Variants in SH3PXD2A observed in about 807,000 individuals in gnomAD.
SH3PXD2A encodes SH3 and PX domain-containing protein 2A.
In SH3PXD2A, 32 loss-of-function variants were observed where a neutral mutation model predicts 115.2. The ratio of observed to expected loss-of-function variants is 0.28; its 90% CI spans 0.21 to 0.37. SH3PXD2A has a LOEUF of 0.37. Ranked by LOEUF, SH3PXD2A falls within the 10% of genes least tolerant of loss-of-function variation. SH3PXD2A has a pLI of 1.00. For synonymous variants in SH3PXD2A, 610 were observed against 629.1 expected (o/e 0.97, Z 0.45); for missense variants, 1,328 against 1,498.7 (o/e 0.89, Z 1.88).
intron 3 of SH3PXD2A, among the ~76,000 whole-genome samples, chr10:103,738,367 G>A (rs998754685): frequency 1.3e-5 from 2 of 152,204 alleles, no homozygotes; most frequent in Non-Finnish European, 2.9e-5. Flanking sequence ...TGAGGCCAGG[G>A]GGAGGCTGTG....
intron 6 of SH3PXD2A, among the ~76,000 whole-genome samples, chr10:103,691,224 C>T (rs2037746593): frequency 6.6e-6 from 1 of 152,196 alleles, no homozygotes; most frequent in Non-Finnish European, 1.5e-5. Flanking sequence ...GAAAGTGCTA[C>T]TGCTGCTGCT....
intron 1 of SH3PXD2A, among the ~76,000 whole-genome samples, chr10:103,827,804 T>TGG (rs1778777318): frequency 6.6e-6 from 1 of 152,194 alleles, no homozygotes; most frequent in Non-Finnish European, 1.5e-5. Context: ...ACTGAAGTCA[T>TGG]GGGGCCTAGA....
At chr10:103,722,203 C>A (rs141690011) in intron 5 of SH3PXD2A, among the ~76,000 whole-genome samples, 1 of 150,698 alleles carries the variant, frequency 6.6e-6, no homozygotes, top group Admixed American at 6.6e-5. Context: ...ACCAGGGAGG[C>A]TGAGGTAAGG....
chr10:103,746,071 C>T lies in SH3PXD2A; in HGVS notation c.230-10263G>A, dbSNP rs1053532760. 2.0e-5 allele frequency: 3 copies of T among 152,212 alleles called. No homozygotes were observed. Among genetic ancestry groups the T allele is most frequent in the Non-Finnish European group, 4.4e-5 (3 of 68,052 alleles). 9.4% of individuals were successfully genotyped at this position (152,212 alleles called of 1,614,324 possible). A position where few individuals can be genotyped will look rare whatever the true frequency, so the allele number is the denominator to read the frequency against. ...CATCAGCGCACCTTGGAGGGAAGAA[C>T]GATCTCCCAAATTCTGGTTCGGAGG... is the stretch of plus-strand genomic sequence containing the variant. On this transcript the variant is annotated intron_variant, in intron 3 of 14. Transcript: ENST00000369774. This position sits in a 1 kb window ranked among gnomAD's most constrained non-coding sequence, Gnocchi z 4.4.
intron 6 of SH3PXD2A, among the ~76,000 whole-genome samples, chr10:103,689,603 T>A (rs961908825): frequency 3.9e-5 from 6 of 152,076 alleles, no homozygotes; most frequent in East Asian, 1.9e-4. Flanking sequence ...AGGCGGAGGT[T>A]GCAGTGAGCT....
intron 3 of SH3PXD2A, among the ~76,000 whole-genome samples, chr10:103,759,618 C>CA (rs2038678347): frequency 6.6e-6 from 1 of 152,174 alleles, no homozygotes; most frequent in African/African-American, 2.4e-5. Context: ...TCCCTGGCCA[C>CA]AGTTGTTTGC....
At chr10:103,619,997 AG>A (rs2036579258) in intron 10 of SH3PXD2A, among the ~76,000 whole-genome samples, 2 of 152,206 alleles carry the variant, frequency 1.3e-5, no homozygotes, top group East Asian at 3.9e-4. Flanking sequence ...ATGTGGACAC[AG>A]GCCTTGTGGG....
At chr10:103,713,918 G>A (rs1214894875) in intron 5 of SH3PXD2A, among the ~76,000 whole-genome samples, 2 of 152,196 alleles carry the variant, frequency 1.3e-5, no homozygotes, top group African/African-American at 4.8e-5. Context: ...AGGGCCCCGA[G>A]AGTGGGGACT....
At chr10:103,842,951 G>C (rs1180052421) in intron 1 of SH3PXD2A, among the ~76,000 whole-genome samples, 1 of 152,186 alleles carries the variant, frequency 6.6e-6, no homozygotes, top group East Asian at 1.9e-4. Context: ...AGGTAAAACA[G>C]TTAACATTAT....
intron 8 of SH3PXD2A, among the ~76,000 whole-genome samples, chr10:103,660,506 C>T (rs1402580029): frequency 1.3e-5 from 2 of 152,102 alleles, no homozygotes; most frequent in South Asian, 2.1e-4. Context: ...AACCAACGCC[C>T]GCAGGCCTGG....
chr10:103,782,268 G>A (rs1322554224), intron 2 of SH3PXD2A, among the ~76,000 whole-genome samples: 2 of 152,206 alleles, frequency 1.3e-5, no homozygotes. Context: ...TCAAACCCCA[G>A]GCGGACCTGC....
intron 6 of SH3PXD2A, among the ~76,000 whole-genome samples, chr10:103,684,038 C>T (rs1039598325): frequency 5.3e-5 from 8 of 152,252 alleles, no homozygotes; most frequent in Non-Finnish European, 1.2e-4. Flanking sequence ...CCCTCCATCT[C>T]CCTCTGCTGC....
In SH3PXD2A at chr10:103,597,425, GTC is replaced by G. The variant is rs1031783862; in HGVS notation, c.*4389_*4390del. On this transcript the variant is annotated 3_prime_UTR_variant, in exon 15 of 15. Transcript: ENST00000369774. ...CTGCTGGGAGTCATTTTTAGGCCAGGTCTCTCTGAGCAGCTGGCTGCACCACA... is the reference window on the plus strand; with the variant it reads ...CTGCTGGGAGTCATTTTTAGGCCAGGTCTCTGAGCAGCTGGCTGCACCACA... 7.9e-5 allele frequency: 12 copies of G among 152,256 alleles called. No homozygotes were observed. Among genetic ancestry groups the G allele is most frequent in the African/African-American group, 2.7e-4 (11 of 41,432 alleles). 9.4% of individuals were successfully genotyped at this position (152,256 alleles called of 1,614,324 possible). A position where few individuals can be genotyped will look rare whatever the true frequency, so the allele number is the denominator to read the frequency against.
At chr10:103,832,234 T>C (rs1268025989) in intron 1 of SH3PXD2A, among the ~76,000 whole-genome samples, 1 of 152,180 alleles carries the variant, frequency 6.6e-6, no homozygotes, top group Admixed American at 6.5e-5. Context: ...TATCCCATTC[T>C]GACTGATAAA....
rs376429114 is a variant in SH3PXD2A, at chr10:103,627,130, G to A, written c.677C>T (p.Thr226Ile). 7 of 1,611,968 alleles carry A rather than the reference G, an allele frequency of 4.3e-6. No homozygotes were observed. The highest frequency in any genetic ancestry group is 5.1e-6 in the Non-Finnish European group (6 of 1,178,820). Reference sequence around the variant, plus strand: ...GGTGTTGATGTCGGAGTCATCCCGAGTACCATTCTGGGCCTCCAGGTAGGT... The same window carrying A: ...GGTGTTGATGTCGGAGTCATCCCGAATACCATTCTGGGCCTCCAGGTAGGT... ...PATYLEAQNG[T>I]RDDSDINTSK... Residue 226 changes from threonine (T) to isoleucine (I), a missense_variant, in exon 9 of 15, where the codon ACT becomes ATT. Physicochemically the swap from Thr to Ile is moderately conservative, Grantham distance 89. Transcript: ENST00000369774. The surrounding 1 kb of genome is among the most constrained non-coding windows in gnomAD (Gnocchi z 4.4).
intron 9 of SH3PXD2A, among the ~76,000 whole-genome samples, chr10:103,623,339 G>C (rs746528743): frequency 2.0e-5 from 3 of 152,086 alleles, no homozygotes; most frequent in Non-Finnish European, 4.4e-5. Flanking sequence ...TCCTCTGGTG[G>C]CTGCTGCTTG....
chr10:103,850,429 C>T (rs185600974), intron 1 of SH3PXD2A, among the ~76,000 whole-genome samples: 243 of 152,262 alleles, frequency 1.6e-3, no homozygotes, highest in South Asian at 1.7e-3. Flanking sequence ...GATCACTTCC[C>T]TCCCCAGAGA....
At chr10:103,605,951 G>C in intron 13 of SH3PXD2A, 34 bp from the exon 14 acceptor site, 2 of 1,608,672 alleles carry the variant, frequency 1.2e-6, no homozygotes, top group Non-Finnish European at 1.7e-6. Context: ...GGCAAAACCC[G>C]CCTAAATCAG....
chr10:103,612,454 G>GT (rs2036442437), intron 12 of SH3PXD2A, among the ~76,000 whole-genome samples: 1 of 152,132 alleles, frequency 6.6e-6, no homozygotes, highest in African/African-American at 2.4e-5. Flanking sequence ...AGGGAAATGT[G>GT]TTTTTTTGAT....
Sources: allele counts gnomAD v4.1 joint callset (sites outside exome capture counted in the v4.1 genomes callset), GRCh38; gene constraint gnomAD v4.1.1; non-coding constraint Gnocchi (gnomAD v3.1); transcripts MANE v1.5; gene names NCBI Gene and HGNC (gene_info 2026-07-23, HGNC 2026-07-21).